Variants in MYO3B observed in about 807,000 individuals in gnomAD.
MYO3B encodes myosin IIIB.
Under a neutral mutation model 174.6 loss-of-function variants are expected in MYO3B, and 156 were observed. The observed-to-expected ratio is 0.89, with a 90% CI of 0.78 to 1.02. The LOEUF is 1.02. MYO3B is among the 50% of genes least tolerant of loss of function. The probability of loss-of-function intolerance (pLI) is 0.00; values close to 1 mark genes in which losing one functional copy is unlikely to be tolerated. For synonymous variants in MYO3B, 563 were observed against 569.1 expected (o/e 0.99, Z 0.15); for missense variants, 1,632 against 1,639.4 (o/e 1.00, Z 0.08).
chr2:170,606,002 T>C (rs1694784208), intron 32 of MYO3B, among the ~76,000 whole-genome samples: 1 of 152,172 alleles, frequency 6.6e-6, no homozygotes, highest in African/African-American at 2.4e-5. Context: ...ATCTTGATTT[T>C]GTCCATTTCT....
intron 7 of MYO3B, among the ~76,000 whole-genome samples, chr2:170,278,961 CT>C (rs2093484571): frequency 1.3e-5 from 2 of 152,134 alleles, no homozygotes; most frequent in East Asian, 1.9e-4. Context: ...GGATTTTATT[CT>C]TTTTTTATGG....
intron 7 of MYO3B, among the ~76,000 whole-genome samples, chr2:170,273,068 T>C (rs1182097875): frequency 2.0e-5 from 3 of 152,068 alleles, no homozygotes; most frequent in Admixed American, 1.3e-4. Flanking sequence ...TAGGATCAGC[T>C]GTATTTGCCA....
chr2:170,615,262 A>G (rs556953791), intron 32 of MYO3B, among the ~76,000 whole-genome samples: 5 of 152,364 alleles, frequency 3.3e-5, no homozygotes, highest in African/African-American at 1.2e-4. Flanking sequence ...ACTTCTAGGC[A>G]CTGAAGGAAA....
intron 8 of MYO3B, among the ~76,000 whole-genome samples, chr2:170,357,377 GTATTATA>G (rs201859884): frequency 1.4e-5 from 2 of 146,896 alleles, no homozygotes; most frequent in African/African-American, 4.9e-5. Flanking sequence ...ATTTATATGT[GTATTATA>G]TATTATATTT....
intron 22 of MYO3B, among the ~76,000 whole-genome samples, chr2:170,423,747 A>T (rs149679130): frequency 0.12 from 17,586 of 151,726 alleles, 1,244 homozygotes; most frequent in East Asian, 0.3. Context: ...CACCCAGCTA[A>T]TTTTTGTATT....
intron 7 of MYO3B, among the ~76,000 whole-genome samples, chr2:170,300,426 C>A (rs1214907309): frequency 6.6e-6 from 1 of 152,126 alleles, no homozygotes; most frequent in African/African-American, 2.4e-5. Context: ...TTCTGATTTT[C>A]TAAATCCTTA....
chr2:170,637,477 T>C (rs1302438333), intron 32 of MYO3B, among the ~76,000 whole-genome samples: 1 of 151,994 alleles, frequency 6.6e-6, no homozygotes, highest in Non-Finnish European at 1.5e-5. Context: ...CCCACCTGAG[T>C]ATAGGGATAT....
intron 8 of MYO3B, among the ~76,000 whole-genome samples, chr2:170,365,357 GC>G (rs2094190829): frequency 1.3e-5 from 2 of 152,136 alleles, no homozygotes; most frequent in African/African-American, 2.4e-5. Context: ...CAAACATATG[GC>G]TTTTGCTGTT....
chr2:170,515,392 T>C (rs1688244295), intron 29 of MYO3B, among the ~76,000 whole-genome samples: 1 of 152,180 alleles, frequency 6.6e-6, no homozygotes. Context: ...GAGGAAAGTT[T>C]AGTGTCTTGG....
At chr2:170,447,427 G>A (rs968146667) in intron 23 of MYO3B, among the ~76,000 whole-genome samples, 2 of 152,150 alleles carry the variant, frequency 1.3e-5, no homozygotes, top group African/African-American at 4.8e-5. Flanking sequence ...TGAGGCTTCA[G>A]CATGCAAATA....
At chr2:170,626,800 C>T (rs1696479493) in intron 32 of MYO3B, among the ~76,000 whole-genome samples, 1 of 152,152 alleles carries the variant, frequency 6.6e-6, no homozygotes, top group South Asian at 2.1e-4. Context: ...TTCTCCTTCA[C>T]TTATGAAGCT....
chr2:170,230,336 ATTTTTTTTTTT>A (rs60171555), intron 6 of MYO3B, among the ~76,000 whole-genome samples: 715 of 64,724 alleles, frequency 0.011, 29 homozygotes, highest in African/African-American at 0.046. Flanking sequence ...CGCCTGGCTA[ATTTTTTTTTTT>A]TTTTTTTTTT....
intron 3 of MYO3B, among the ~76,000 whole-genome samples, chr2:170,208,588 A>G (rs973101479): frequency 6.6e-6 from 1 of 152,200 alleles, no homozygotes; most frequent in African/African-American, 2.4e-5. Flanking sequence ...GCAGCTGGAG[A>G]TTCCTGGTTG....
chr2:170,178,339 T>C, intron 1 of MYO3B, 50 bp downstream of exon 1: 1 of 1,613,790 alleles, frequency 6.2e-7, no homozygotes, highest in African/African-American at 1.3e-5. Flanking sequence ...TTGCTTTAGA[T>C]TGTTTTTCTG....
chr2:170,286,154 A>T (rs918424707), intron 7 of MYO3B, among the ~76,000 whole-genome samples: 11 of 152,214 alleles, frequency 7.2e-5, no homozygotes, highest in African/African-American at 2.7e-4. Context: ...AAGCCACATC[A>T]TGAAGTGTGG....
intron 1 of MYO3B, among the ~76,000 whole-genome samples, chr2:170,180,930 G>A (rs2092391489): frequency 6.6e-6 from 1 of 152,034 alleles, no homozygotes; most frequent in Non-Finnish European, 1.5e-5. Flanking sequence ...ATATTAATTG[G>A]CAGAAAATTT....
At chr2:170,546,898 G>T (rs1434708146) in intron 32 of MYO3B, among the ~76,000 whole-genome samples, 1 of 152,086 alleles carries the variant, frequency 6.6e-6, no homozygotes, top group Admixed American at 6.5e-5. Flanking sequence ...TCTATGAAGG[G>T]GTCTGGTGAG....
chr2:170,469,618 C>T (rs1239369228), intron 25 of MYO3B, among the ~76,000 whole-genome samples: 4 of 152,126 alleles, frequency 2.6e-5, no homozygotes, highest in African/African-American at 4.8e-5. Flanking sequence ...AACTAGGAGT[C>T]ACCTTTGACT....
At chr2:170,514,228 C>T (rs1386915055) in intron 28 of MYO3B, among the ~76,000 whole-genome samples, 1 of 152,210 alleles carries the variant, frequency 6.6e-6, no homozygotes, top group African/African-American at 2.4e-5. Context: ...CGCTCGTGAC[C>T]TTGAGGTCAT....
Sources: allele counts gnomAD v4.1 joint callset (sites outside exome capture counted in the v4.1 genomes callset), GRCh38; gene constraint gnomAD v4.1.1; transcripts MANE v1.5; gene names NCBI Gene and HGNC (gene_info 2026-07-23, HGNC 2026-07-21).